HERC2: variants seen among roughly 807,000 people sequenced by gnomAD.
HERC2 encodes the protein HECT and RLD domain containing E3 ubiquitin protein ligase 2.
In HERC2, 102 loss-of-function variants were observed where a neutral mutation model predicts 537.7. The ratio of observed to expected loss-of-function variants is 0.19; its 90% CI spans 0.16 to 0.22. HERC2 has a LOEUF of 0.22. Ranked by LOEUF, HERC2 falls within the 10% of genes least tolerant of loss-of-function variation. The pLI, the probability that HERC2 is intolerant of heterozygous loss-of-function variation, is 1.00. For synonymous variants in HERC2, 2,224 were observed against 2,466.2 expected (o/e 0.90, Z 2.91); for missense variants, 4,236 against 6,198.2 (o/e 0.68, Z 10.63).
At chr15:28,175,842 G>A (rs996751148) in intron 63 of HERC2, among the ~76,000 whole-genome samples, 186 bp from the exon 64 acceptor site, 2 of 152,076 alleles carry the variant, frequency 1.3e-5, no homozygotes, top group Non-Finnish European at 2.9e-5. Context: ...AAGCCAGCTG[G>A]GAAAAACCTT....
intron 74 of HERC2, 146 bp from the exon 75 acceptor site, chr15:28,143,098 T>G (rs1891389668): frequency 1.4e-6 from 1 of 721,960 alleles, no homozygotes; most frequent in South Asian, 2.6e-5. Flanking sequence ...AATTCTCAAG[T>G]AGGAAAAAAG....
Position 28,229,293 on chromosome 15 carries a change from C to T in HERC2, c.5174G>A (p.Arg1725Gln). The part of the protein sequence containing the change: ...KDVDLIPPFN[R>Q]MLLEVTFGKL... ...GCCAAAGGTGACTTCCAGCAGCATC[C>T]GATTAAAAGGCGGGATCAAATCAAC... The change falls in exon 34 of 93, where the codon CGG (arginine) becomes CAG (glutamine). Residue 1725 changes from arginine (R) to glutamine (Q), a missense_variant. Around this residue, in one of 27 missense-constraint regions of HERC2, gnomAD observed 343 missense variants for 417.2 expected, o/e 0.82. Transcript: ENST00000261609. 2 of 1,612,602 alleles carry T rather than the reference C, an allele frequency of 1.2e-6. No homozygotes were observed. The highest frequency in any genetic ancestry group is 2.2e-5 in the East Asian group (1 of 44,866).
At position 28,290,216 on chromosome 15, in the gene HERC2, C is replaced by T. The variant is rs572533305; in HGVS notation, c.322+2672G>A. Among the ~76,000 whole-genome samples the T allele has an allele frequency of 7.2e-5, 11 of 152,254 alleles. No individual in the cohort carries two copies. In the South Asian group the frequency reaches 8.3e-4, roughly 11 times the overall value. On this transcript the variant is annotated intron_variant, in intron 4 of 92. Transcript: ENST00000261609. The stretch of plus-strand genomic sequence containing the variant: ...ACTCCTCTCCTAACAGTGAATAGAA[C>T]AAGTAGGCAGAAAATTATTTCAAGT...
chr15:28,304,927 C>T (rs2076742824), intron 2 of HERC2, among the ~76,000 whole-genome samples: 1 of 140,838 alleles, frequency 7.1e-6, no homozygotes. Flanking sequence ...CATGTGATCT[C>T]ATTGTTCAAT....
At position 28,186,739 on chromosome 15, in the gene HERC2, A is replaced by G; in HGVS notation, c.8663T>C (p.Ile2888Thr). The change falls in exon 56 of 93, where the codon ATT becomes ACT. Residue 2888 changes from isoleucine to threonine, a missense_variant. This residue lies in a region of HERC2 where 606 missense variants were observed against 884.5 expected (regional missense o/e 0.69). Transcript: ENST00000261609. Reference protein sequence around the residue: ...LNDCTEYHRYIEIAIKQCRSS... With the variant: ...LNDCTEYHRYTEIAIKQCRSS... ...CCTGCACTGCTTTATAGCAATTTCAATATACCTGTGATACTAGACACAAAA... is the reference window on the plus strand; with the variant it reads ...CCTGCACTGCTTTATAGCAATTTCAGTATACCTGTGATACTAGACACAAAA... 2 of 1,613,176 alleles carry G rather than the reference A, an allele frequency of 1.2e-6. No individual in the cohort carries two copies. The highest frequency in any genetic ancestry group is 1.7e-6 in the Non-Finnish European group (2 of 1,179,194).
At chr15:28,275,594 C>G (rs907320631) in intron 5 of HERC2, among the ~76,000 whole-genome samples, 1 of 152,126 alleles carries the variant, frequency 6.6e-6, no homozygotes, top group Non-Finnish European at 1.5e-5. Flanking sequence ...TCTGCATGTT[C>G]TAAAAGGTTA....
chr15:28,220,287 T>A (rs989520352), intron 37 of HERC2, among the ~76,000 whole-genome samples, 165 bp downstream of exon 37: 4 of 152,206 alleles, frequency 2.6e-5, no homozygotes, highest in Admixed American at 2.6e-4. Context: ...CACACCTGCA[T>A]CGGAGGTGCC....
chr15:28,142,701 T>C (rs1157904946), intron 75 of HERC2, 126 bp downstream of exon 75: 16 of 959,226 alleles, frequency 1.7e-5, no homozygotes, highest in Non-Finnish European at 2.3e-5. Flanking sequence ...TTTTTCATAT[T>C]TGACTTCAGC....
intron 38 of HERC2, among the ~76,000 whole-genome samples, chr15:28,216,091 T>C (rs752221356): frequency 1.8e-4 from 28 of 152,112 alleles, no homozygotes; most frequent in South Asian, 4.2e-4. Context: ...TTCTCCTGCC[T>C]TGCCCTGCCA....
intron 16 of HERC2, 127 bp downstream of exon 16, chr15:28,260,650 T>C (rs1341132513): frequency 2.8e-6 from 2 of 715,842 alleles, no homozygotes; most frequent in Non-Finnish European, 4.7e-6. Context: ...TCATAATAAA[T>C]GAGTTTAGCA....
At chr15:28,210,049 GCCCC>G (rs1218350197) in intron 44 of HERC2, among the ~76,000 whole-genome samples, 1 of 128,588 alleles carries the variant, frequency 7.8e-6, no homozygotes, top group Non-Finnish European at 1.6e-5. Flanking sequence ...TGCAACCTCC[GCCCC>G]CCGGTTCAAG....
Position 28,256,237 on chromosome 15 carries a change from C to T in HERC2, c.2598G>A (p.Lys866=), listed in dbSNP as rs1296296885. 25 of 1,599,366 alleles carry T rather than the reference C, an allele frequency of 1.6e-5. No homozygotes were observed. Among genetic ancestry groups the T allele is most frequent in the Admixed American group, 3.3e-5 (2 of 59,944 alleles). ...GLGSILLNSL[K]QTVVTLASSA... ...TGCTGGCCAGGGTCACCACCGTCTGCTTCAGGCTGTTCAGGAGGATGCTGC... is the reference window on the plus strand; with the variant it reads ...TGCTGGCCAGGGTCACCACCGTCTGTTTCAGGCTGTTCAGGAGGATGCTGC... The change falls in exon 18 of 93, where the codon AAG becomes AAA. Residue 866 remains lysine (K), a synonymous_variant. Coordinates refer to ENST00000261609, the MANE Select transcript of HERC2 (RefSeq NM_004667.6).
At chr15:28,167,551 C>T in intron 68 of HERC2, 136 bp downstream of exon 68, 5 of 1,014,060 alleles carry the variant, frequency 4.9e-6, no homozygotes, top group South Asian at 1.5e-5. Context: ...ACAAACGCTT[C>T]GAAGATGCTA....
chr15:28,236,447 C>T (rs1377978898), intron 26 of HERC2, among the ~76,000 whole-genome samples: 1 of 151,738 alleles, frequency 6.6e-6, no homozygotes, highest in African/African-American at 2.4e-5. Context: ...CCCGTCACCA[C>T]GCCCAGCTAA....
In HERC2 at chr15:28,233,683, G is replaced by C; in HGVS notation, c.4332C>G (p.Leu1444=). The C allele has an allele frequency of 6.2e-7, 1 of 1,613,986 alleles. No individual in the cohort carries two copies. Among genetic ancestry groups the C allele is most frequent in the Non-Finnish European group, 8.5e-7 (1 of 1,179,864 alleles). The change falls in exon 28 of 93, where the codon CTC becomes CTG. Residue 1444 remains leucine, a synonymous_variant. Coordinates refer to ENST00000261609, the MANE Select transcript of HERC2 (RefSeq NM_004667.6). ...CCTTACCTAAATCTTCATGTTTTAA[G>C]AGGCAACATAACAACAAGCGACCGA... ...EEVGRLLLCC[L]LKHEDLGHVA... is the part of the protein sequence containing the mutation.
In HERC2 at chr15:28,237,128, T is replaced by G. The variant is rs199912491; in HGVS notation, c.3853-15A>C. On this transcript the variant is annotated splice_polypyrimidine_tract_variant and intron_variant, in intron 25 of 92. Transcript: ENST00000261609. ...TCTTGGTCAGGCTGGAAAAATAAAT[T>G]TCATCATCAATCTGAGGAAACAGAA... 2.3e-5 allele frequency: 36 copies of G among 1,533,526 alleles called. No homozygotes were observed. Among genetic ancestry groups the G allele is most frequent in the Non-Finnish European group, 3.2e-5 (35 of 1,108,922 alleles). 95.0% of individuals were successfully genotyped at this position (1,533,526 alleles called of 1,614,324 possible). A position where few individuals can be genotyped will look rare whatever the true frequency, so the allele number is the denominator to read the frequency against.
chr15:28,294,566 G>A (rs1453773846), intron 3 of HERC2, among the ~76,000 whole-genome samples: 2 of 149,996 alleles, frequency 1.3e-5, no homozygotes, highest in African/African-American at 2.5e-5. Flanking sequence ...TGCTCTCACG[G>A]ATAAGATCCC....
chr15:28,315,060 C>T (rs917260651), intron 2 of HERC2, among the ~76,000 whole-genome samples: 1 of 152,236 alleles, frequency 6.6e-6, no homozygotes, highest in African/African-American at 2.4e-5. Flanking sequence ...TCCTATGTTA[C>T]TGCCACCTCT....
chr15:28,286,236 T>TATTA (rs1567118796), intron 4 of HERC2, among the ~76,000 whole-genome samples: 3 of 152,010 alleles, frequency 2.0e-5, no homozygotes, highest in East Asian at 1.9e-4. Context: ...TAGAAGCTAA[T>TATTA]AGAAGCTAAT....
Sources: allele counts gnomAD v4.1 joint callset (sites outside exome capture counted in the v4.1 genomes callset), GRCh38; gene constraint gnomAD v4.1.1; regional missense constraint gnomAD v4.1.1; transcripts MANE v1.5; gene names NCBI Gene and HGNC (gene_info 2026-07-23, HGNC 2026-07-21).